The following SPATA6L variants were observed in gnomAD, a reference collection of about 807,000 sequenced individuals.
SPATA6L encodes the protein spermatogenesis associated 6-like protein.
In SPATA6L, 68 loss-of-function variants were observed where a neutral mutation model predicts 49.2. The ratio of observed to expected loss-of-function variants is 1.38; its 90% CI spans 1.14 to 1.69. The LOEUF is 1.69. Among genes scored for constraint, SPATA6L ranks in the 40% most tolerant of loss-of-function variants. The probability of loss-of-function intolerance (pLI) is 0.00; values close to 1 mark genes in which losing one functional copy is unlikely to be tolerated. For synonymous variants in SPATA6L, 198 were observed against 165.7 expected, an observed-to-expected ratio of 1.19 and a Z score of -1.50; for missense variants, 668 against 464.3, an observed-to-expected ratio of 1.44 and a Z score of -4.03.
chr9:4,664,086 CT>C (rs1840480704), intron 1 of SPATA6L: 1 of 167,058 alleles, frequency 6.0e-6, no homozygotes, highest in Non-Finnish European at 1.5e-5. Flanking sequence ...TGGCCCCATG[CT>C]TATTTTTGTT....
downstream of SPATA6L, chr9:4,596,617 CAATGACAGGAAATACGAGCA>C (rs1222646678): frequency 6.6e-6 from 1 of 152,172 alleles, no homozygotes; most frequent in East Asian, 1.9e-4. Flanking sequence ...CATAACATTT[CAATGACAGGAAATACGAGCA>C]GAAAGCCTCT....
intron 3 of SPATA6L, among the ~76,000 whole-genome samples, chr9:4,655,550 T>C (rs995415730): frequency 1.0e-4 from 15 of 149,436 alleles, no homozygotes; most frequent in Non-Finnish European, 1.8e-4. Context: ...TTTTGTTTTT[T>C]TGTTGTTTTT....
intron 3 of SPATA6L, among the ~76,000 whole-genome samples, chr9:4,655,705 C>T (rs1837982701): frequency 6.6e-6 from 1 of 152,072 alleles, no homozygotes; most frequent in South Asian, 2.1e-4. Flanking sequence ...TGTGCCACCA[C>T]ATCCGGCTAA....
chr9:4,645,214 C>T (rs301464), intron 3 of SPATA6L, among the ~76,000 whole-genome samples: 95,328 of 151,572 alleles, frequency 0.63, 31,888 homozygotes, highest in African/African-American at 0.88. Context: ...ACCCCATTCC[C>T]AGGTATACAC....
At chr9:4,631,293 A>G (rs1564221775) in intron 4 of SPATA6L, among the ~76,000 whole-genome samples, 1 of 152,130 alleles carries the variant, frequency 6.6e-6, no homozygotes, top group Non-Finnish European at 1.5e-5. Context: ...AAATAACACA[A>G]TACATAAATA....
At chr9:4,612,029 G>T (rs1453810877) in intron 9 of SPATA6L, among the ~76,000 whole-genome samples, 1 of 151,246 alleles carries the variant, frequency 6.6e-6, no homozygotes, top group Non-Finnish European at 1.5e-5. Context: ...TTTTCCTTAA[G>T]AGATAGGGTC....
chr9:4,606,117 G>A (rs1485929046), intron 9 of SPATA6L, among the ~76,000 whole-genome samples: 7 of 151,944 alleles, frequency 4.6e-5, no homozygotes, highest in Admixed American at 3.3e-4. Context: ...CTTAAAAAAT[G>A]GCGCACCACC....
chr9:4,630,307 A>T (rs1357768732), intron 4 of SPATA6L, among the ~76,000 whole-genome samples: 1 of 152,206 alleles, frequency 6.6e-6, no homozygotes, highest in Non-Finnish European at 1.5e-5. Context: ...ATAATTTTTA[A>T]AATACAACTG....
Position 4,662,729 on chromosome 9 carries a change from G to T in SPATA6L, c.40-693C>A. ...ACCTGTGGCTGTCCAAGAAGCTGGG[G>T]GTGTGCGCGGGAGAGAGCTCGTCGT... On this transcript the variant is annotated intron_variant, in intron 1 of 11. Transcript: ENST00000682582. This position sits in a 1 kb window ranked among gnomAD's most constrained non-coding sequence, Gnocchi z 4.9. 1.9e-6 allele frequency: 3 copies of T among 1,602,970 alleles called. No individual in the cohort carries two copies. Among genetic ancestry groups the T allele is most frequent in the Non-Finnish European group, 1.7e-6 (2 of 1,179,934 alleles).
At chr9:4,640,482 A>G (rs577119019) in intron 3 of SPATA6L, among the ~76,000 whole-genome samples, 1 of 152,232 alleles carries the variant, frequency 6.6e-6, no homozygotes, top group Non-Finnish European at 1.5e-5. Context: ...TGAAAAGGTA[A>G]CAATTCAGCC....
Position 4,592,575 on chromosome 9 carries a change from TCA to T in SPATA6L, c.*255-3616_*255-3615del, listed in dbSNP as rs1821977136. On this transcript the variant is annotated intron_variant and NMD_transcript_variant, in intron 13 of 13. Coordinates refer to the SPATA6L transcript ENST00000461761. ...CATGTGGCTGCAGTGTCACTGTTCTTCACCAGGCATTGTAAGGCAGAGAGTGC... is the reference window on the plus strand; with the variant it reads ...CATGTGGCTGCAGTGTCACTGTTCTTCCAGGCATTGTAAGGCAGAGAGTGC... Among the ~76,000 whole-genome samples the T allele has an allele frequency of 2.6e-5, 4 of 152,322 alleles. 1 individual carries two copies. The highest frequency in any genetic ancestry group is 2.9e-5 in the Non-Finnish European group (2 of 68,024).
At chr9:4,623,358 T>C (rs1829760217) in intron 6 of SPATA6L, among the ~76,000 whole-genome samples, 1 of 152,264 alleles carries the variant, frequency 6.6e-6, no homozygotes, top group African/African-American at 2.4e-5. Flanking sequence ...ACTGACCATA[T>C]TCTCCTAAGG....
chr9:4,645,703 A>C (rs991211775), intron 3 of SPATA6L, among the ~76,000 whole-genome samples: 2 of 152,204 alleles, frequency 1.3e-5, no homozygotes, highest in South Asian at 4.1e-4. Context: ...ACATGGCTGA[A>C]CCCTGAAAAC....
chr9:4,626,385 C>T, intron 5 of SPATA6L: 1 of 1,296,956 alleles, frequency 7.7e-7, no homozygotes, highest in Non-Finnish European at 1.0e-6. Flanking sequence ...TGAGCAGTGC[C>T]CCTCCTTTGA....
At chr9:4,647,985 C>G (rs1458047927) in intron 3 of SPATA6L, among the ~76,000 whole-genome samples, 1 of 152,032 alleles carries the variant, frequency 6.6e-6, no homozygotes, top group Non-Finnish European at 1.5e-5. Context: ...CAGGCACGTA[C>G]CACAGCGCCC....
intron 3 of SPATA6L, among the ~76,000 whole-genome samples, chr9:4,643,830 C>A (rs973740321): frequency 2.6e-5 from 4 of 152,024 alleles, no homozygotes; most frequent in East Asian, 3.9e-4. Context: ...CTTGGTGAAA[C>A]CCTGACTCTA....
chr9:4,602,776 G>T (rs370817714), intron 11 of SPATA6L, among the ~76,000 whole-genome samples: 1 of 152,268 alleles, frequency 6.6e-6, no homozygotes, highest in East Asian at 1.9e-4. Flanking sequence ...GAATGTAGTG[G>T]TTAAGAGAAT....
At chr9:4,594,262 T>G (rs370649383), downstream of SPATA6L, among the ~76,000 whole-genome samples, 44 of 152,300 alleles carry the variant, frequency 2.9e-4, no homozygotes, top group African/African-American at 1.0e-3. Flanking sequence ...CAGGCTGGAG[T>G]GCAGTGGCGC....
At position 4,666,422 on chromosome 9, in the gene SPATA6L, A is replaced by T; in HGVS notation, c.-172T>A. 1 of 680,414 alleles carries T rather than the reference A, an allele frequency of 1.5e-6. No homozygotes were observed. The highest frequency in any genetic ancestry group is 2.6e-6 in the Non-Finnish European group (1 of 382,886). 42.1% of individuals were successfully genotyped at this position (680,414 alleles called of 1,614,324 possible). ...CCCAGCCCAGGTCCCTCCCACCGGG[A>T]CGGGTCTCTCACACTCGAAGCTGGA... On this transcript the variant is annotated 5_prime_UTR_variant, in exon 1 of 12. Transcript: ENST00000682582.
Sources: allele counts gnomAD v4.1 joint callset (sites outside exome capture counted in the v4.1 genomes callset), GRCh38; gene constraint gnomAD v4.1.1; non-coding constraint Gnocchi (gnomAD v3.1); transcripts MANE v1.5; gene names NCBI Gene and HGNC (gene_info 2026-07-23, HGNC 2026-07-21).